ZNF704: variants seen among roughly 807,000 people sequenced by gnomAD.
The protein encoded by ZNF704 is glucocorticoid induced gene 1.
A neutral mutation model predicts 44.7 loss-of-function variants in ZNF704; 10 were observed. That is an observed-to-expected ratio of 0.22 (90% CI 0.14 to 0.38). The LOEUF (loss-of-function observed/expected upper bound fraction) is 0.38. ZNF704 is among the 10% of genes least tolerant of loss of function. The pLI, the probability that ZNF704 is intolerant of heterozygous loss-of-function variation, is 1.00. For missense variants in ZNF704, 390 were observed against 545.5 expected (o/e 0.71, Z 2.84); for synonymous variants, 211 against 207.6 (o/e 1.02, Z -0.14).
At chr8:80,784,854 A>C (rs1807589335) in intron 2 of ZNF704, among the ~76,000 whole-genome samples, 1 of 139,232 alleles carries the variant, frequency 7.2e-6, no homozygotes, top group Admixed American at 6.7e-5. Context: ...AGTTATCTTT[A>C]AACATTTTTT....
intron 1 of ZNF704, among the ~76,000 whole-genome samples, chr8:80,868,428 C>A (rs980391699): frequency 6.6e-6 from 1 of 152,182 alleles, no homozygotes. Context: ...CTCAAATCTT[C>A]CTGGAAATAA....
At chr8:80,810,881 C>T (rs962922152) in intron 2 of ZNF704, among the ~76,000 whole-genome samples, 1 of 152,194 alleles carries the variant, frequency 6.6e-6, no homozygotes, top group Non-Finnish European at 1.5e-5. Context: ...TGATGAAACG[C>T]TTCCCTCCTT....
At chr8:80,876,997 A>T (rs991272701), upstream of ZNF704, among the ~76,000 whole-genome samples, 5 of 149,474 alleles carry the variant, frequency 3.3e-5, no homozygotes, top group South Asian at 2.1e-4. Flanking sequence ...CCTAGAGGAA[A>T]TACAGAGTTA....
At chr8:80,781,596 T>C (rs999219753) in intron 2 of ZNF704, among the ~76,000 whole-genome samples, 5 of 152,322 alleles carry the variant, frequency 3.3e-5, no homozygotes, top group East Asian at 1.9e-4. Flanking sequence ...CTTTAAATGT[T>C]AGGGCTGAGA....
intron 2 of ZNF704, among the ~76,000 whole-genome samples, chr8:80,766,417 A>G (rs1807228189): frequency 6.6e-6 from 1 of 152,138 alleles, no homozygotes. Context: ...CATTGCTGCT[A>G]TTTCCTGGTG....
At chr8:80,844,631 C>A (rs1423523482) in intron 1 of ZNF704, among the ~76,000 whole-genome samples, 1 of 152,174 alleles carries the variant, frequency 6.6e-6, no homozygotes, top group Non-Finnish European at 1.5e-5. Context: ...AGGAATCCAA[C>A]TAGGTGTTTA....
Position 80,687,308 on chromosome 8 carries a change from C to A in ZNF704, c.476G>T (p.Ser159Ile), listed in dbSNP as rs1333428713. The change falls in exon 4 of 9, where the codon AGC becomes ATC. Residue 159 changes from serine (S) to isoleucine (I), a missense_variant. Ser to Ile is a moderately radical substitution (Grantham distance 142, BLOSUM62 -2). This residue lies in a region of ZNF704 where 305 missense variants were observed against 435.7 expected (regional missense o/e 0.70). Transcript: ENST00000327835. ...LSADSFKPFRSPAQPDDGIDE... is the reference protein window; with the variant it reads ...LSADSFKPFRIPAQPDDGIDE... ...GATGCCGTCGTCTGGCTGCGCGGGGCTGCGGAAGGGCTTGAAGCTGTCAGC... is the reference window on the plus strand; with the variant it reads ...GATGCCGTCGTCTGGCTGCGCGGGGATGCGGAAGGGCTTGAAGCTGTCAGC... The A allele has an allele frequency of 1.2e-6, 2 of 1,612,808 alleles. No homozygotes were observed. Among genetic ancestry groups the A allele is most frequent in the East Asian group, 2.2e-5 (1 of 44,892 alleles).
rs1817680018 is a variant in ZNF704 at position 80,637,445 on chromosome 8, G to C, written c.*3921C>G. ...CTGCACTTTGGAGTCTGATGAAGGGGGAACATGGATTCAGCAGTGCCAACT... is the reference window on the plus strand; with the variant it reads ...CTGCACTTTGGAGTCTGATGAAGGGCGAACATGGATTCAGCAGTGCCAACT... On this transcript the variant is annotated 3_prime_UTR_variant, in exon 9 of 9. Transcript: ENST00000327835. 6.6e-6 allele frequency: 1 copy of C among 152,156 alleles called. No homozygotes were observed. The highest frequency in any genetic ancestry group is 2.4e-5 in the African/African-American group (1 of 41,410). 9.4% of individuals were successfully genotyped at this position (152,156 alleles called of 1,614,324 possible). A position where few individuals can be genotyped will look rare whatever the true frequency, so the allele number is the denominator to read the frequency against.
chr8:80,641,567 A>T, intron 8 of ZNF704, 90 bp from the exon 9 acceptor site: 39 of 482,454 alleles, frequency 8.1e-5, no homozygotes, highest in Non-Finnish European at 1.2e-4. Flanking sequence ...AGAGTGAGGG[A>T]GGAAAAAAAA....
intron 2 of ZNF704, among the ~76,000 whole-genome samples, chr8:80,734,715 A>G (rs962651386): frequency 1.3e-5 from 2 of 152,228 alleles, no homozygotes; most frequent in African/African-American, 4.8e-5. Context: ...ATTCCACTTG[A>G]GCTATAAGAT....
chr8:80,748,958 C>T lies in ZNF704; in HGVS notation c.222-55851G>A, dbSNP rs141715312. On this transcript the variant is annotated intron_variant, in intron 2 of 8. Transcript: ENST00000327835. Reference sequence around the variant, plus strand: ...TTATTTAGCAACTAATGGTTCCAATCATTTTTCCTGGTGCTGGGGATTCAG... The same window carrying T: ...TTATTTAGCAACTAATGGTTCCAATTATTTTTCCTGGTGCTGGGGATTCAG... 5.7e-3 allele frequency among the ~76,000 whole-genome samples: 869 copies of T among 152,300 alleles called. 9 individuals are homozygous for T. The highest frequency in any genetic ancestry group is 0.02 in the African/African-American group (832 of 41,560).
rs577169448 is a variant in ZNF704 at position 80,806,716 on chromosome 8, G to A, written c.221+14658C>T. Among the ~76,000 whole-genome samples, 5 of 152,280 alleles carry A rather than the reference G, an allele frequency of 3.3e-5. No homozygotes were observed. The South Asian group carries it at 1.0e-3, about 32-fold the overall frequency. Reference sequence around the variant, plus strand: ...TACAAAATACCACAACCAAGAGTGGGAGCTGTGCCATGCCACAGACACAGC... The same window carrying A: ...TACAAAATACCACAACCAAGAGTGGAAGCTGTGCCATGCCACAGACACAGC... On this transcript the variant is annotated intron_variant, in intron 2 of 8. Transcript: ENST00000327835.
rs190928710 is a variant in ZNF704 at position 80,731,640 on chromosome 8, C to G, written c.222-38533G>C. 5.7e-3 allele frequency among the ~76,000 whole-genome samples: 861 copies of G among 152,194 alleles called. 3 individuals carry two copies. Among genetic ancestry groups the G allele is most frequent in the Middle Eastern group, 0.017 (5 of 294 alleles). The stretch of plus-strand genomic sequence containing the variant: ...GTCAGCCGGGTGTGGTGACATGTGC[C>G]TATAGTCCCAGCTACTTGGAAGGCT... On this transcript the variant is annotated intron_variant, in intron 2 of 8. Coordinates refer to ENST00000327835, the MANE Select transcript of ZNF704 (RefSeq NM_001033723.3).
intron 2 of ZNF704, among the ~76,000 whole-genome samples, chr8:80,710,161 C>A (rs567089881): frequency 6.6e-6 from 1 of 152,276 alleles, no homozygotes; most frequent in African/African-American, 2.4e-5. Flanking sequence ...TCTTCCAGAA[C>A]TGTTTGAGAG....
intron 2 of ZNF704, among the ~76,000 whole-genome samples, chr8:80,771,214 G>A (rs938801784): frequency 5.9e-5 from 9 of 152,008 alleles, no homozygotes; most frequent in African/African-American, 1.4e-4. Flanking sequence ...ATAAATTTTT[G>A]AATAACCTTC....
At chr8:80,748,531 CT>C (rs1477265783) in intron 2 of ZNF704, among the ~76,000 whole-genome samples, 1 of 152,194 alleles carries the variant, frequency 6.6e-6, no homozygotes, top group East Asian at 1.9e-4. Context: ...GAAGATCCCC[CT>C]AGGCCCAAAC....
intron 1 of ZNF704, among the ~76,000 whole-genome samples, chr8:80,871,874 A>T (rs1482047697): frequency 3.9e-5 from 6 of 152,222 alleles, no homozygotes; most frequent in Non-Finnish European, 5.9e-5. Flanking sequence ...GGCAAATGAG[A>T]GTGTTATAAA....
intron 2 of ZNF704, among the ~76,000 whole-genome samples, chr8:80,770,122 AC>A (rs1807295875): frequency 6.6e-6 from 1 of 152,070 alleles, no homozygotes; most frequent in Non-Finnish European, 1.5e-5. Flanking sequence ...TGATTCAATT[AC>A]CTCTCACCAG....
chr8:80,880,109 T>C, the ZNF704 span, among the ~76,000 whole-genome samples: 1 of 152,206 alleles, frequency 6.6e-6, no homozygotes, highest in East Asian at 1.9e-4. Context: ...AGAGTGTGTG[T>C]GAAACTTATT....
Sources: allele counts gnomAD v4.1 joint callset (sites outside exome capture counted in the v4.1 genomes callset), GRCh38; gene constraint gnomAD v4.1.1; regional missense constraint gnomAD v4.1.1; transcripts MANE v1.5; gene names NCBI Gene and HGNC (gene_info 2026-07-23, HGNC 2026-07-21).